The following HHIP variants were observed in gnomAD, a reference collection of about 807,000 sequenced individuals.
HHIP encodes hedgehog interacting protein.
In HHIP, 12 loss-of-function variants were observed where a neutral mutation model predicts 74.0. The observed-to-expected ratio is 0.16, with a 90% CI of 0.10 to 0.26. HHIP has a LOEUF of 0.26. Ranked by LOEUF, HHIP falls within the 10% of genes least tolerant of loss-of-function variation. The probability of loss-of-function intolerance (pLI) is 1.00; values close to 1 mark genes in which losing one functional copy is unlikely to be tolerated. For synonymous variants in HHIP, 309 were observed against 311.6 expected, an observed-to-expected ratio of 0.99 and a Z score of 0.09; for missense variants, 788 against 845.0, an observed-to-expected ratio of 0.93 and a Z score of 0.84.
At chr4:144,663,385 T>C (rs1728766653) in intron 4 of HHIP, among the ~76,000 whole-genome samples, 3 of 152,322 alleles carry the variant, frequency 2.0e-5, no homozygotes, top group African/African-American at 7.2e-5. Context: ...CTTTCCCAGG[T>C]AATTCCAATG....
intron 4 of HHIP, among the ~76,000 whole-genome samples, chr4:144,672,654 G>C (rs1216455289): frequency 1.3e-5 from 2 of 151,960 alleles, no homozygotes; most frequent in African/African-American, 4.8e-5. Context: ...GAACTGGAGT[G>C]ATATGATCTG....
At position 144,646,552 on chromosome 4, in the gene HHIP, C is replaced by G. The variant is rs1728263732; in HGVS notation, c.-124C>G. On this transcript the variant is annotated 5_prime_UTR_variant, in exon 1 of 13. Coordinates refer to ENST00000296575, the MANE Select transcript of HHIP (RefSeq NM_022475.3). Reference sequence around the variant, plus strand: ...ACATATTTTTGTCCCCGCCACCTCCCTCTGTCTCTGGAGTGCCCTACAGCC... The same window carrying G: ...ACATATTTTTGTCCCCGCCACCTCCGTCTGTCTCTGGAGTGCCCTACAGCC... The G allele has an allele frequency of 2.1e-6, 2 of 951,664 alleles. No individual in the cohort carries two copies. Among genetic ancestry groups the G allele is most frequent in the Non-Finnish European group, 3.2e-6 (2 of 630,446 alleles). The allele number at this position is 951,664 out of a possible 1,614,324, so 59.0% of individuals were successfully genotyped here.
Position 144,706,605 on chromosome 4 carries a change from C to T in HHIP, c.906C>T (p.Ser302=), listed in dbSNP as rs1223326951. 1.2e-6 allele frequency: 2 copies of T among 1,613,472 alleles called. No homozygotes were observed. Among genetic ancestry groups the T allele is most frequent in the Non-Finnish European group, 1.7e-6 (2 of 1,179,686 alleles). Residue 302 remains serine, a synonymous_variant, in exon 5 of 13, where the codon TCC becomes TCT. Transcript: ENST00000296575. ...AGAAAAATGGAAAGTTGTATGTGTC[C>T]TATACCACCAACCAAGAACGGTGGG... ...NYKKNGKLYV[S]YTTNQERWAI...
chr4:144,659,163 A>G (rs1728632667), intron 3 of HHIP, among the ~76,000 whole-genome samples: 2 of 152,174 alleles, frequency 1.3e-5, no homozygotes, highest in Admixed American at 6.5e-5. Context: ...TGGCTTCTCT[A>G]TGACTCATGT....
intron 2 of HHIP, among the ~76,000 whole-genome samples, chr4:144,657,409 G>A (rs968618730): frequency 1.3e-5 from 2 of 151,998 alleles, no homozygotes; most frequent in Non-Finnish European, 2.9e-5. Context: ...TTGATGAGGT[G>A]TGAAAATATA....
At chr4:144,692,819 G>T (rs755548236) in intron 4 of HHIP, among the ~76,000 whole-genome samples, 2 of 152,108 alleles carry the variant, frequency 1.3e-5, no homozygotes, top group African/African-American at 4.8e-5. Flanking sequence ...TAGGAAATGC[G>T]TGTATTTTGA....
chr4:144,658,112 T>C (rs1728600316), intron 2 of HHIP, among the ~76,000 whole-genome samples: 1 of 152,050 alleles, frequency 6.6e-6, no homozygotes, highest in Non-Finnish European at 1.5e-5. Flanking sequence ...TTTAGTATTG[T>C]AGGAAAAAAT....
Position 144,646,927 on chromosome 4 carries a change from C to A in HHIP, c.252C>A (p.Ser84Arg), listed in dbSNP as rs774731550. Reference sequence around the variant, plus strand: ...TGTCCTGCTGCCTGCGGAGTGACAGCCCGGGGCTAGGGCGCCTGGAGAATA... The same window carrying A: ...TGTCCTGCTGCCTGCGGAGTGACAGACCGGGGCTAGGGCGCCTGGAGAATA... ...PRLSCCLRSD[S>R]PGLGRLENKI... Residue 84 changes from serine (S) to arginine (R), a missense_variant, in exon 1 of 13, where the codon AGC (serine) becomes AGA (arginine). By Grantham distance (110) the Ser-to-Arg change is moderately radical. Transcript: ENST00000296575. The A allele has an allele frequency of 6.2e-7, 1 of 1,612,574 alleles. No individual in the cohort carries two copies. The highest frequency in any genetic ancestry group is 1.1e-5 in the South Asian group (1 of 90,958).
intron 4 of HHIP, among the ~76,000 whole-genome samples, chr4:144,676,818 G>A (rs564440486): frequency 1.3e-5 from 2 of 152,320 alleles, no homozygotes; most frequent in South Asian, 2.1e-4. Context: ...GATGTATGCC[G>A]TAAGGAAGGT....
intron 4 of HHIP, among the ~76,000 whole-genome samples, chr4:144,663,512 C>A (rs564827730): frequency 4.7e-4 from 72 of 152,306 alleles, no homozygotes; most frequent in African/African-American, 1.6e-3. Context: ...CCTGACTTAA[C>A]AACTAAGAGC....
chr4:144,665,956 A>G (rs931040719), intron 4 of HHIP, among the ~76,000 whole-genome samples: 1 of 152,186 alleles, frequency 6.6e-6, no homozygotes, highest in African/African-American at 2.4e-5. Flanking sequence ...AATCTGAGCA[A>G]TCTCATGGTA....
chr4:144,728,847 A>G (rs1438552163), intron 11 of HHIP, among the ~76,000 whole-genome samples: 4 of 152,104 alleles, frequency 2.6e-5, no homozygotes, highest in African/African-American at 9.7e-5. Flanking sequence ...TAAATATATG[A>G]TTCCTCGGCG....
intron 4 of HHIP, among the ~76,000 whole-genome samples, chr4:144,675,693 T>A (rs1729152600): frequency 6.6e-6 from 1 of 152,156 alleles, no homozygotes; most frequent in Admixed American, 6.5e-5. Flanking sequence ...CATATGTGTG[T>A]GTATATATAT....
At chr4:144,711,687 T>G (rs1054006367) in intron 7 of HHIP, among the ~76,000 whole-genome samples, 8 of 152,248 alleles carry the variant, frequency 5.3e-5, no homozygotes, top group African/African-American at 1.9e-4. Context: ...GACTAACAAT[T>G]GTTTTAAGAC....
At chr4:144,679,005 G>T (rs1330614376) in intron 4 of HHIP, among the ~76,000 whole-genome samples, 1 of 152,128 alleles carries the variant, frequency 6.6e-6, no homozygotes, top group African/African-American at 2.4e-5. Flanking sequence ...AACAGTGTAA[G>T]AGCATTCCTA....
intron 4 of HHIP, among the ~76,000 whole-genome samples, chr4:144,665,898 T>A (rs1728847533): frequency 6.6e-6 from 1 of 152,194 alleles, no homozygotes; most frequent in African/African-American, 2.4e-5. Flanking sequence ...TACATTAATA[T>A]CTTTATATTT....
At chr4:144,681,492 C>T (rs1729342283) in intron 4 of HHIP, among the ~76,000 whole-genome samples, 1 of 140,316 alleles carries the variant, frequency 7.1e-6, no homozygotes, top group Admixed American at 7.6e-5. Context: ...GTGGCGTAAT[C>T]TCGGCTCACT....
intron 2 of HHIP, among the ~76,000 whole-genome samples, chr4:144,658,236 T>C (rs867461824): frequency 6.6e-6 from 1 of 152,186 alleles, no homozygotes; most frequent in Non-Finnish European, 1.5e-5. Context: ...TTGTACTTCA[T>C]GGGAGCCTTT....
intron 4 of HHIP, among the ~76,000 whole-genome samples, chr4:144,698,237 G>A (rs1001186905): frequency 6.6e-6 from 1 of 152,160 alleles, no homozygotes; most frequent in African/African-American, 2.4e-5. Context: ...GTGTGATGAA[G>A]ATGAGCTTGT....
Sources: gnomAD v4.1 joint callset for allele counts (sites outside exome capture counted in the v4.1 genomes callset) on GRCh38, gnomAD v4.1.1 for gene constraint, MANE v1.5 for transcripts, NCBI Gene and HGNC (gene_info 2026-07-23, HGNC 2026-07-21) for gene names.